THOC7: variants seen among roughly 807,000 people sequenced by gnomAD.
THOC7 encodes the protein NIF3L1-binding protein 1.
Under a neutral mutation model 33.1 loss-of-function variants are expected in THOC7, and 22 were observed. That is an observed-to-expected ratio of 0.66 (90% CI 0.47 to 0.95). The LOEUF (loss-of-function observed/expected upper bound fraction) is 0.95, where lower values mean the gene tolerates loss of function less well. Ranked by LOEUF, THOC7 falls within the 40% of genes least tolerant of loss-of-function variation. The pLI, the probability that THOC7 is intolerant of heterozygous loss-of-function variation, is 0.00. For synonymous variants in THOC7, 77 were observed against 76.8 expected (o/e 1.00, Z -0.01); for missense variants, 184 against 245.3 (o/e 0.75, Z 1.67).
intron 4 of THOC7, 76 bp downstream of exon 4, chr3:63,837,900 T>A: frequency 7.4e-7 from 1 of 1,350,476 alleles, no homozygotes; most frequent in Middle Eastern, 1.9e-4. Flanking sequence ...AGATTTTACC[T>A]CACAACATTA....
chr3:63,834,568 G>A (rs903989402), intron 7 of THOC7, among the ~76,000 whole-genome samples: 11 of 151,820 alleles, frequency 7.2e-5, no homozygotes, highest in African/African-American at 2.7e-4. Context: ...GCTGAGGCAG[G>A]AGAATCACTT....
intron 1 of THOC7, among the ~76,000 whole-genome samples, chr3:63,847,419 G>T (rs1301666602): frequency 1.3e-5 from 2 of 152,118 alleles, no homozygotes; most frequent in African/African-American, 2.4e-5. Context: ...CTAAAGTGCT[G>T]TGTCTCCAAA....
chr3:63,840,281 GA>G (rs893353423), intron 1 of THOC7, among the ~76,000 whole-genome samples: 1 of 150,626 alleles, frequency 6.6e-6, no homozygotes, highest in African/African-American at 2.4e-5. Context: ...GGCAAACTAG[GA>G]AAAAAAAATG....
intron 4 of THOC7, among the ~76,000 whole-genome samples, chr3:63,837,169 T>A (rs1423222947): frequency 2.6e-5 from 4 of 152,080 alleles, no homozygotes; most frequent in African/African-American, 9.6e-5. Context: ...TGGATACAAA[T>A]TTTTTGAATT....
At chr3:63,836,221 C>T in intron 5 of THOC7, 80 bp downstream of exon 5, 2 of 1,345,832 alleles carry the variant, frequency 1.5e-6, no homozygotes, top group Non-Finnish European at 1.0e-6. Context: ...TTTATTTCTG[C>T]AAAAATGAAA....
Position 63,836,152 on chromosome 3 carries a change from T to C in THOC7, c.410+149A>G. 4 of 653,084 alleles carry C rather than the reference T, an allele frequency of 6.1e-6. No individual in the cohort carries two copies. The South Asian group carries it at 1.1e-4, about 18-fold the overall frequency. 40.5% of individuals were successfully genotyped at this position (653,084 alleles called of 1,614,324 possible). A position where few individuals can be genotyped will look rare whatever the true frequency, so the allele number is the denominator to read the frequency against. The stretch of plus-strand genomic sequence containing the variant: ...GGTAAGGTTAGAGGAAAATAAAATC[T>C]AACAGAGAAGTATGGGAAAATATAA... On this transcript the variant is annotated intron_variant, in intron 5 of 7. Coordinates refer to ENST00000295899, the MANE Select transcript of THOC7 (RefSeq NM_025075.4).
chr3:63,857,175 G>T (rs565025502), intron 1 of THOC7, among the ~76,000 whole-genome samples: 1 of 152,264 alleles, frequency 6.6e-6, no homozygotes, highest in East Asian at 1.9e-4. Context: ...AATCATTCTG[G>T]GAGAGGAATT....
At chr3:63,850,814 G>C (rs544521718) in intron 1 of THOC7, among the ~76,000 whole-genome samples, 4 of 151,792 alleles carry the variant, frequency 2.6e-5, no homozygotes, top group Admixed American at 1.3e-4. Flanking sequence ...TCAAAAACTC[G>C]TGACCTCAGC....
intron 1 of THOC7, among the ~76,000 whole-genome samples, chr3:63,858,279 A>G (rs2107165672): frequency 6.6e-6 from 1 of 152,304 alleles, no homozygotes; most frequent in Non-Finnish European, 1.5e-5. Flanking sequence ...AGTGTGTACT[A>G]TTATCTTCCT....
At chr3:63,853,955 AAGTC>A (rs1217156057) in intron 1 of THOC7, among the ~76,000 whole-genome samples, 1 of 152,222 alleles carries the variant, frequency 6.6e-6, no homozygotes, top group Non-Finnish European at 1.5e-5. Context: ...CATCCTATAA[AAGTC>A]AGAGTAAATG....
At chr3:63,863,650 C>T in intron 1 of THOC7, 122 bp downstream of exon 1, 1 of 1,215,606 alleles carries the variant, frequency 8.2e-7, no homozygotes, top group Non-Finnish European at 1.0e-6. Flanking sequence ...AAGGCCGAAG[C>T]GCTCTGGCGA....
intron 1 of THOC7, among the ~76,000 whole-genome samples, chr3:63,854,138 C>G (rs1200407249): frequency 6.6e-6 from 1 of 152,134 alleles, no homozygotes; most frequent in Non-Finnish European, 1.5e-5. Context: ...GCCTAGAAAA[C>G]TCTGTGGACA....
chr3:63,835,999 T>C (rs544324039), intron 5 of THOC7, among the ~76,000 whole-genome samples: 2 of 152,144 alleles, frequency 1.3e-5, no homozygotes, highest in African/African-American at 4.8e-5. Flanking sequence ...GAGAGCTGTG[T>C]TTTAAAAGGG....
At chr3:63,864,153 C>T (rs1312084652), upstream of THOC7, among the ~76,000 whole-genome samples, 1 of 149,964 alleles carries the variant, frequency 6.7e-6, no homozygotes, top group East Asian at 2.0e-4. Flanking sequence ...CGCAGCCAGC[C>T]GCCAGGTGAG....
intron 1 of THOC7, among the ~76,000 whole-genome samples, chr3:63,847,891 T>C (rs1701933609): frequency 6.6e-6 from 1 of 152,164 alleles, no homozygotes; most frequent in African/African-American, 2.4e-5. Flanking sequence ...GCCAAGGGCT[T>C]TCCAAAGTAA....
At chr3:63,838,652 T>C (rs1701686212) in intron 2 of THOC7, among the ~76,000 whole-genome samples, 153 bp from the exon 3 acceptor site, 1 of 152,228 alleles carries the variant, frequency 6.6e-6, no homozygotes, top group African/African-American at 2.4e-5. Flanking sequence ...TCCCTTAAGT[T>C]TTCTTTTTAT....
At chr3:63,842,301 G>C (rs1701779235) in intron 1 of THOC7, among the ~76,000 whole-genome samples, 1 of 152,082 alleles carries the variant, frequency 6.6e-6, no homozygotes, top group Admixed American at 6.6e-5. Context: ...TTATCAAAAA[G>C]ACAAACAATA....
chr3:63,859,382 G>C (rs1339318566), intron 1 of THOC7, among the ~76,000 whole-genome samples: 1 of 152,120 alleles, frequency 6.6e-6, no homozygotes, highest in Non-Finnish European at 1.5e-5. Context: ...CTTTTGCATC[G>C]TACTCCTCTT....
Position 63,862,995 on chromosome 3 carries a change from T to C in THOC7, c.19+777A>G, listed in dbSNP as rs762469817. 3.9e-5 allele frequency among the ~76,000 whole-genome samples: 6 copies of C among 152,112 alleles called. No individual in the cohort carries two copies. The South Asian group carries it at 1.2e-3, about 32-fold the overall frequency. ...CTTCCTAACACACACACATACATCT[T>C]TTATCGTCCTGATCTACCCTAGACG... is the stretch of plus-strand genomic sequence containing the variant. On this transcript the variant is annotated intron_variant, in intron 1 of 7. Coordinates refer to ENST00000295899, the MANE Select transcript of THOC7 (RefSeq NM_025075.4).
Sources: allele counts gnomAD v4.1 joint callset (sites outside exome capture counted in the v4.1 genomes callset), GRCh38; gene constraint gnomAD v4.1.1; transcripts MANE v1.5; gene names NCBI Gene and HGNC (gene_info 2026-07-23, HGNC 2026-07-21).